Variants in PPM1H observed in about 807,000 individuals in gnomAD.
PPM1H encodes protein phosphatase 1H.
PPM1H carries 27 observed loss-of-function variants against 54.9 expected under a neutral mutation model. The observed-to-expected ratio is 0.49, with a 90% CI of 0.36 to 0.68. The LOEUF (loss-of-function observed/expected upper bound fraction) is 0.68, where lower values mean the gene tolerates loss of function less well. PPM1H is among the 30% of genes least tolerant of loss of function. The pLI is 0.00. For missense variants in PPM1H, 596 were observed against 667.8 expected, an observed-to-expected ratio of 0.89 and a Z score of 1.19; for synonymous variants, 305 against 270.8, an observed-to-expected ratio of 1.13 and a Z score of -1.24.
chr12:62,926,447 T>C (rs1363750296), intron 1 of PPM1H, among the ~76,000 whole-genome samples: 1 of 152,046 alleles, frequency 6.6e-6, no homozygotes, highest in South Asian at 2.1e-4. Flanking sequence ...AAGCCTGATA[T>C]GAAATAGAAG....
intron 3 of PPM1H, among the ~76,000 whole-genome samples, chr12:62,789,207 G>T (rs574257698): frequency 8.6e-5 from 13 of 152,020 alleles, no homozygotes; most frequent in Non-Finnish European, 1.8e-4. Context: ...TGGGGACAGG[G>T]TCTCACTATG....
intron 1 of PPM1H, among the ~76,000 whole-genome samples, chr12:62,892,244 T>C (rs1196794201): frequency 6.6e-6 from 1 of 152,226 alleles, no homozygotes; most frequent in South Asian, 2.1e-4. Context: ...GGAAGTTTGA[T>C]AAATTGATGT....
At chr12:62,884,501 CAAAAA>C (rs6144736) in intron 1 of PPM1H, among the ~76,000 whole-genome samples, 3 of 89,982 alleles carry the variant, frequency 3.3e-5, no homozygotes, top group African/African-American at 7.9e-5. Flanking sequence ...AACTCCATAT[CAAAAA>C]AAAAAAAAAA....
chr12:62,893,095 G>T (rs1870856991), intron 1 of PPM1H, among the ~76,000 whole-genome samples: 1 of 152,162 alleles, frequency 6.6e-6, no homozygotes, highest in Non-Finnish European at 1.5e-5. Flanking sequence ...TTTTTATACT[G>T]CCTCTGAGCT....
At chr12:62,803,271 C>T (rs1278345748) in intron 2 of PPM1H, among the ~76,000 whole-genome samples, 5 of 152,114 alleles carry the variant, frequency 3.3e-5, no homozygotes, top group African/African-American at 1.2e-4. Flanking sequence ...TGGTGGATTT[C>T]TAGACTACTT....
intron 2 of PPM1H, among the ~76,000 whole-genome samples, chr12:62,815,870 A>G (rs1397609715): frequency 1.3e-5 from 2 of 152,156 alleles, no homozygotes; most frequent in Non-Finnish European, 2.9e-5. Context: ...CCCATGGTTT[A>G]TGCAAATGAT....
At chr12:62,732,517 C>T (rs1279365733) in intron 5 of PPM1H, among the ~76,000 whole-genome samples, 1 of 152,044 alleles carries the variant, frequency 6.6e-6, no homozygotes, top group Non-Finnish European at 1.5e-5. Context: ...AGACCTGGGA[C>T]TGCAGACATC....
chr12:62,881,236 T>C (rs962769437), intron 1 of PPM1H, among the ~76,000 whole-genome samples: 5 of 152,164 alleles, frequency 3.3e-5, no homozygotes, highest in South Asian at 2.1e-4. Context: ...GGAAGGGAGA[T>C]GTGGCCGTCT....
In PPM1H at chr12:62,847,870, C is replaced by G. The variant is rs563056206; in HGVS notation, c.246-15591G>C. ...AAAAACAAATCATCACTCCCATGGC[C>G]TGGGATGCGGAAGGACTCAGAAATT... On this transcript the variant is annotated intron_variant, in intron 1 of 9. Transcript: ENST00000228705. Among the ~76,000 whole-genome samples, 15 of 152,212 alleles carry G rather than the reference C, an allele frequency of 9.9e-5. No homozygotes were observed. In the South Asian group the frequency reaches 3.1e-3, roughly 32 times the overall value.
At chr12:62,836,797 A>G (rs1363086644) in intron 1 of PPM1H, among the ~76,000 whole-genome samples, 3 of 152,190 alleles carry the variant, frequency 2.0e-5, no homozygotes, top group Non-Finnish European at 4.4e-5. Context: ...CAACTCTTAG[A>G]AGAACAAGAC....
At chr12:62,738,524 C>A (rs1213111925) in intron 4 of PPM1H, among the ~76,000 whole-genome samples, 1 of 152,160 alleles carries the variant, frequency 6.6e-6, no homozygotes, top group Non-Finnish European at 1.5e-5. Context: ...CCATGAGCAA[C>A]CTTTCCTGGG....
At chr12:62,660,226 G>A (rs1406725617) in intron 9 of PPM1H, among the ~76,000 whole-genome samples, 2 of 152,172 alleles carry the variant, frequency 1.3e-5, no homozygotes, top group Non-Finnish European at 2.9e-5. Flanking sequence ...TGAGTGTGGT[G>A]CCCTCCTACC....
chr12:62,924,911 C>T (rs898197252), intron 1 of PPM1H, among the ~76,000 whole-genome samples: 12 of 152,028 alleles, frequency 7.9e-5, no homozygotes, highest in East Asian at 1.9e-4. Context: ...GGTGTGGTGG[C>T]GCATGCCTGT....
chr12:62,893,759 T>C lies in PPM1H; in HGVS notation c.245+40733A>G, dbSNP rs531062906. On this transcript the variant is annotated intron_variant, in intron 1 of 9. Coordinates refer to ENST00000228705, the MANE Select transcript of PPM1H (RefSeq NM_020700.2). ...GCCTCAGCCTCCCAAAGTGCTAGGA[T>C]TACAGGTGTGAACCACCACACCCCG... Among the ~76,000 whole-genome samples, 4 of 152,244 alleles carry C rather than the reference T, an allele frequency of 2.6e-5. No homozygotes were observed. In the South Asian group the frequency reaches 8.3e-4, roughly 32 times the overall value.
intron 6 of PPM1H, among the ~76,000 whole-genome samples, chr12:62,708,528 GT>G (rs143547655): frequency 0.028 from 4,208 of 152,290 alleles, 173 homozygotes; most frequent in African/African-American, 0.094. Flanking sequence ...CTGAAAGAGT[GT>G]TGGTTGGACA....
intron 6 of PPM1H, among the ~76,000 whole-genome samples, chr12:62,712,786 A>T (rs1452301498): frequency 1.3e-5 from 2 of 152,178 alleles, no homozygotes; most frequent in East Asian, 3.8e-4. Flanking sequence ...TCCCTTTAAA[A>T]ACCGCCTTGG....
At chr12:62,915,224 A>G (rs1259428166) in intron 1 of PPM1H, among the ~76,000 whole-genome samples, 3 of 152,190 alleles carry the variant, frequency 2.0e-5, no homozygotes, top group Non-Finnish European at 4.4e-5. Flanking sequence ...TTTAACTGCA[A>G]TGAGTTAGAA....
At chr12:62,743,688 G>C (rs529444806) in intron 4 of PPM1H, among the ~76,000 whole-genome samples, 1 of 151,308 alleles carries the variant, frequency 6.6e-6, no homozygotes, top group Non-Finnish European at 1.5e-5. Context: ...ACTGACATGT[G>C]CCAACAGGTA....
At chr12:62,882,530 G>C (rs562682087) in intron 1 of PPM1H, among the ~76,000 whole-genome samples, 1 of 152,356 alleles carries the variant, frequency 6.6e-6, no homozygotes, top group South Asian at 2.1e-4. Flanking sequence ...ATCAGACGCA[G>C]CCCAAGAGTC....
Sources: allele counts gnomAD v4.1 joint callset (sites outside exome capture counted in the v4.1 genomes callset), GRCh38; gene constraint gnomAD v4.1.1; transcripts MANE v1.5; gene names NCBI Gene and HGNC (gene_info 2026-07-23, HGNC 2026-07-21).